The following CELA3B variants were observed in gnomAD, a reference collection of about 807,000 sequenced individuals.
The protein encoded by CELA3B is chymotrypsin like elastase 3B, also known as chymotrypsin-like elastase family member 3B.
Under a neutral mutation model 37.2 loss-of-function variants are expected in CELA3B, and 34 were observed. The ratio of observed to expected loss-of-function variants is 0.91; its 90% confidence interval spans 0.70 to 1.22. The LOEUF (loss-of-function observed/expected upper bound fraction) is 1.22. Among genes scored for constraint, CELA3B ranks in the 50% most tolerant of loss-of-function variants. The pLI is 0.00. For missense variants in CELA3B, 340 were observed against 363.1 expected (o/e 0.94, Z 0.52); for synonymous variants, 127 against 143.5 (o/e 0.89, Z 0.82).
downstream of CELA3B, among the ~76,000 whole-genome samples, chr1:21,993,190 G>A (rs1178726082): frequency 2.6e-5 from 4 of 151,420 alleles, no homozygotes; most frequent in African/African-American, 9.8e-5. Context: ...GCTGGGCACT[G>A]TGACTCATGC....
intron 2 of CELA3B, among the ~76,000 whole-genome samples, chr1:21,979,039 C>A (rs1644788253): frequency 1.2e-5 from 1 of 81,682 alleles, no homozygotes; most frequent in Non-Finnish European, 2.6e-5. Context: ...CAGAGTGAGA[C>A]TCTGTCTCAA....
At chr1:21,996,635 T>C (rs1026893244) in intron 4 of CELA3B, among the ~76,000 whole-genome samples, 1 of 151,308 alleles carries the variant, frequency 6.6e-6, no homozygotes, top group Non-Finnish European at 1.5e-5. Flanking sequence ...CTGAATTCTT[T>C]CTTGCACAAG....
chr1:21,980,529 T>A (rs1404348602), intron 2 of CELA3B, among the ~76,000 whole-genome samples: 2 of 148,962 alleles, frequency 1.3e-5, no homozygotes, highest in Non-Finnish European at 3.0e-5. Flanking sequence ...ACAGAGGGCC[T>A]TCAAGGGCTC....
Position 21,984,179 on chromosome 1 carries a change from A to C in CELA3B, c.500-10A>C, listed in dbSNP as rs374310828. 139 of 1,611,018 alleles carry C rather than the reference A, an allele frequency of 8.6e-5. 1 individual carries two copies. Among genetic ancestry groups the C allele is most frequent in the Non-Finnish European group, 1.1e-4 (131 of 1,178,510 alleles). ...CCAGACCCCTGACTCGGTGCTTTTT[A>C]TCGCTGCAGCCAACGGGCCACTCCC... On this transcript the variant is annotated splice_polypyrimidine_tract_variant and intron_variant, in intron 5 of 7. Transcript: ENST00000337107.
intron 1 of CELA3B, among the ~76,000 whole-genome samples, chr1:21,977,319 G>A (rs749535895): frequency 5.3e-5 from 8 of 152,094 alleles, no homozygotes; most frequent in Non-Finnish European, 1.0e-4. Flanking sequence ...CCTTGATGGG[G>A]GCAGTAAACA....
At chr1:21,998,547 C>G (rs1436847721) in exon 5 of CELA3B, 2 of 173,650 alleles carry the variant, frequency 1.2e-5, no homozygotes, top group Non-Finnish European at 2.5e-5. Context: ...CAGGCTCAAC[C>G]GTGCTTTCAG....
chr1:21,979,230 G>A (rs1366913282), intron 2 of CELA3B, among the ~76,000 whole-genome samples: 1 of 150,960 alleles, frequency 6.6e-6, no homozygotes, highest in Non-Finnish European at 1.5e-5. Context: ...GCGCCACCAA[G>A]CCCGGCTAAT....
At chr1:21,978,254 G>A in intron 1 of CELA3B, 115 bp from the exon 2 acceptor site, 4 of 1,057,024 alleles carry the variant, frequency 3.8e-6, no homozygotes, top group Non-Finnish European at 5.8e-6. Context: ...GAGGGCGAAA[G>A]GGGCTTGCAT....
chr1:21,979,229 AGCCCG>A lies in CELA3B; in HGVS notation c.129+778_129+782del, dbSNP rs1301511123. 4.0e-5 allele frequency among the ~76,000 whole-genome samples: 6 copies of A among 150,326 alleles called. No homozygotes were observed. In the East Asian group the frequency reaches 1.2e-3, roughly 31 times the overall value. On this transcript the variant is annotated intron_variant, in intron 2 of 7. Coordinates refer to ENST00000337107, the MANE Select transcript of CELA3B (RefSeq NM_007352.4). ...CTGGGATTACAGGCATGCGCCACCAAGCCCGGCTAATTCTGTATTTTTAGTAGAGA... is the reference window on the plus strand; with the variant it reads ...CTGGGATTACAGGCATGCGCCACCAAGCTAATTCTGTATTTTTAGTAGAGA...
intron 4 of CELA3B, among the ~76,000 whole-genome samples, chr1:21,982,426 C>G (rs1204786639): frequency 1.4e-5 from 1 of 69,776 alleles, no homozygotes; most frequent in African/African-American, 4.8e-5. Context: ...GAAACCCCAT[C>G]TCTACTAAAA....
At chr1:21,987,788 AAAATAAACT>A (rs1644847994) in intron 7 of CELA3B, 1 of 150,366 alleles carries the variant, frequency 6.7e-6, no homozygotes, top group African/African-American at 2.5e-5. Flanking sequence ...TAAAAAAATG[AAAATAAACT>A]AAATAAAATA....
chr1:21,977,960 C>T (rs1203268999), intron 1 of CELA3B: 9 of 350,124 alleles, frequency 2.6e-5, no homozygotes, highest in Non-Finnish European at 4.5e-5. Context: ...CCTCCCGCCT[C>T]GGCCTCTCAA....
chr1:21,995,144 C>CTTT (rs764836069), intron 4 of CELA3B, among the ~76,000 whole-genome samples: 8 of 84,932 alleles, frequency 9.4e-5, no homozygotes, highest in Admixed American at 1.3e-4. Flanking sequence ...TCTTTTCTTT[C>CTTT]TTTTTTTTTT....
At chr1:21,998,484 C>T (rs7523386) in exon 5 of CELA3B, 37,172 of 222,032 alleles carry the variant, frequency 0.17, 6,929 homozygotes, top group African/African-American at 0.49. Context: ...TGCTGCTGCG[C>T]TTTTCCAGGC....
intron 4 of CELA3B, 41 bp downstream of exon 4, chr1:21,981,213 C>T: frequency 1.2e-6 from 2 of 1,602,602 alleles, no homozygotes; most frequent in Non-Finnish European, 1.7e-6. Flanking sequence ...GGCTCCTCTA[C>T]TCATCCCTCC....
intron 4 of CELA3B, chr1:21,998,140 T>A (rs570055309): frequency 2.1e-6 from 1 of 470,112 alleles, no homozygotes; most frequent in East Asian, 7.0e-5. Flanking sequence ...TTGAATATCT[T>A]ATTTTCACAG....
chr1:21,996,540 A>G (rs1644890936), intron 4 of CELA3B, among the ~76,000 whole-genome samples: 1 of 151,156 alleles, frequency 6.6e-6, no homozygotes, highest in Non-Finnish European at 1.5e-5. Context: ...AATAACCATA[A>G]AAAAGGGCAT....
At chr1:21,996,652 G>C (rs1006993154) in intron 4 of CELA3B, among the ~76,000 whole-genome samples, 1 of 151,090 alleles carries the variant, frequency 6.6e-6, no homozygotes, top group African/African-American at 2.5e-5. Flanking sequence ...CAAGATCCAA[G>C]AACCCTCTCT....
chr1:21,984,454 A>G (rs1347349200), intron 6 of CELA3B, 123 bp downstream of exon 6: 5 of 1,330,050 alleles, frequency 3.8e-6, no homozygotes, highest in Non-Finnish European at 5.1e-6. Context: ...CAGGCCAGGC[A>G]GGACTTGGAG....
Sources: allele counts gnomAD v4.1 joint callset (sites outside exome capture counted in the v4.1 genomes callset), GRCh38; gene constraint gnomAD v4.1.1; transcripts MANE v1.5; gene names NCBI Gene and HGNC (gene_info 2026-07-23, HGNC 2026-07-21).